SOS2: variants seen among roughly 807,000 people sequenced by gnomAD.
SOS2 encodes the protein son of sevenless homolog 2.
A neutral mutation model predicts 148.2 loss-of-function variants in SOS2; 65 were observed. The observed-to-expected ratio is 0.44, with a 90% CI of 0.36 to 0.54. SOS2 has a LOEUF of 0.54. Ranked by LOEUF, SOS2 falls within the 20% of genes least tolerant of loss-of-function variation. The probability of loss-of-function intolerance (pLI) is 0.00; values close to 1 mark genes in which losing one functional copy is unlikely to be tolerated. For synonymous variants in SOS2, 539 were observed against 537.1 expected (o/e 1.00, Z -0.05); for missense variants, 1,341 against 1,590.2 (o/e 0.84, Z 2.67).
intron 21 of SOS2, 87 bp from the exon 22 acceptor site, chr14:50,120,471 C>G (rs749148430): frequency 7.2e-6 from 5 of 692,916 alleles, no homozygotes; most frequent in Non-Finnish European, 1.3e-5. Context: ...TCTACCATGG[C>G]ATTTGTCAGA....
intron 1 of SOS2, among the ~76,000 whole-genome samples, chr14:50,220,405 C>CAAAAAA (rs367829144): frequency 3.0e-4 from 9 of 30,446 alleles, no homozygotes; most frequent in African/African-American, 1.3e-3. Context: ...GACTCCATCT[C>CAAAAAA]AAAAAAAAAA....
intron 4 of SOS2, among the ~76,000 whole-genome samples, chr14:50,199,479 TAA>T (rs955789960): frequency 1.3e-5 from 2 of 152,118 alleles, no homozygotes; most frequent in African/African-American, 4.8e-5. Context: ...TTCTTGTAAG[TAA>T]AAGATTCTTG....
At position 50,142,147 on chromosome 14, in the gene SOS2, A is replaced by G. The variant is rs534953420; in HGVS notation, c.2668-2088T>C. 3.3e-5 allele frequency among the ~76,000 whole-genome samples: 5 copies of G among 151,728 alleles called. No individual in the cohort carries two copies. The South Asian group carries it at 1.0e-3, about 32-fold the overall frequency. On this transcript the variant is annotated intron_variant, in intron 16 of 22. Transcript: ENST00000216373. ...CTCAGCCTCCCAAGTAGCTGGGATT[A>G]CAGGCGCCCGCCAGCATGCCTGGGT... is the stretch of plus-strand genomic sequence containing the variant.
At chr14:50,230,848 T>C (rs964333213) in intron 1 of SOS2, 36 of 996,958 alleles carry the variant, frequency 3.6e-5, no homozygotes, top group East Asian at 2.0e-4. Context: ...GGCCTGAAAA[T>C]GTGCTTTTGT....
intron 1 of SOS2, among the ~76,000 whole-genome samples, chr14:50,208,405 A>T (rs895974630): frequency 2.6e-5 from 4 of 152,164 alleles, no homozygotes; most frequent in Non-Finnish European, 5.9e-5. Context: ...TAATCCCAGC[A>T]CTTTGGGAGG....
In SOS2 at chr14:50,189,061, T is replaced by TCACACACACACA. The variant is rs10599812; in HGVS notation, c.511-373_511-362dup. Among the ~76,000 whole-genome samples, 524 of 128,752 alleles carry TCACACACACACA rather than the reference T, an allele frequency of 4.1e-3. 11 individuals carry two copies. The highest frequency in any genetic ancestry group is 0.018 in the Admixed American group (213 of 11,818). The allele number at this position is 128,752 out of a possible 152,430, so 84.5% of individuals were successfully genotyped here. Reference sequence around the variant, plus strand: ...GCCTGGGCGACAGAGCGAGACTCCATCACACACACACACACACACACACAC... The same window carrying TCACACACACACA: ...GCCTGGGCGACAGAGCGAGACTCCATCACACACACACACACACACACACACACACACACACAC... On this transcript the variant is annotated intron_variant, in intron 4 of 22. Transcript: ENST00000216373.
intron 1 of SOS2, among the ~76,000 whole-genome samples, chr14:50,219,775 T>C (rs61982706): frequency 1.1e-4 from 17 of 152,288 alleles, no homozygotes; most frequent in South Asian, 4.2e-4. Flanking sequence ...AATCAAAGTG[T>C]ATAATTAAAA....
At chr14:50,137,584 T>C (rs1884124924) in intron 18 of SOS2, among the ~76,000 whole-genome samples, 2 of 152,218 alleles carry the variant, frequency 1.3e-5, no homozygotes, top group South Asian at 4.1e-4. Flanking sequence ...ATTAATTTTT[T>C]TCTATTATTT....
intron 1 of SOS2, among the ~76,000 whole-genome samples, chr14:50,209,288 T>TGTGTGTGTGTGTGTGTGTGTGC: frequency 1.1e-5 from 1 of 94,660 alleles, no homozygotes; most frequent in Non-Finnish European, 2.1e-5. Flanking sequence ...TGTGTGTGTG[T>TGTGTGTGTGTGTGTGTGTGTGC]GTGTGTGTGT....
chr14:50,144,377 T>C (rs116992509), intron 16 of SOS2, among the ~76,000 whole-genome samples: 2,510 of 152,144 alleles, frequency 0.016, 34 homozygotes, highest in Middle Eastern at 0.044. Context: ...TCCTATTTTC[T>C]ATATCTCCTG....
Position 50,159,675 on chromosome 14 carries a change from C to T in SOS2, c.1608G>A (p.Met536Ile), listed in dbSNP as rs1884932746. ...AKSAEEKNNW[M>I]AALISLHYRS... ...GATAATGAAGAGAAATAAGGGCTGC[C>T]ATCCAGTTGTTTTTTTCTTCAGCAG... is the stretch of plus-strand genomic sequence containing the variant. Residue 536 changes from methionine (M) to isoleucine (I), a missense_variant, in exon 10 of 23, where the codon ATG becomes ATA. Coordinates refer to ENST00000216373, the MANE Select transcript of SOS2 (RefSeq NM_006939.4). The T allele has an allele frequency of 6.2e-7, 1 of 1,614,004 alleles. No individual in the cohort carries two copies. The highest frequency in any genetic ancestry group is 8.5e-7 in the Non-Finnish European group (1 of 1,179,946).
chr14:50,208,816 G>T (rs1210222054), intron 1 of SOS2, among the ~76,000 whole-genome samples: 1 of 152,136 alleles, frequency 6.6e-6, no homozygotes, highest in Non-Finnish European at 1.5e-5. Flanking sequence ...CCAAGAAAAA[G>T]AAAATTTCAG....
chr14:50,200,273 C>A (rs1167669968), intron 3 of SOS2, among the ~76,000 whole-genome samples: 1 of 151,320 alleles, frequency 6.6e-6, no homozygotes, highest in African/African-American at 2.4e-5. Context: ...GTGAGGCAGG[C>A]GGGGCGGGGG....
At chr14:50,224,716 T>A (rs2139868730) in intron 1 of SOS2, among the ~76,000 whole-genome samples, 1 of 27,804 alleles carries the variant, frequency 3.6e-5, no homozygotes, top group South Asian at 4.8e-4. Context: ...AGACCTTGTC[T>A]CCACAAAAAA....
In SOS2 at chr14:50,150,029, A is replaced by T; in HGVS notation, c.2363T>A (p.Leu788His). ...HPIEIARQLT[L>H]LESDLYRKVQ... ...CTACCTGTAAAGATCAGACTCCAAA[A>T]GTGTCAGCTGACGTGCAATTTCTAT... The change falls in exon 14 of 23, where the codon CTT becomes CAT. Residue 788 changes from leucine to histidine, a missense_variant. Leu to His is a moderately conservative substitution (Grantham distance 99). This residue lies in a region of SOS2 where 408 missense variants were observed against 506.6 expected (regional missense o/e 0.81). Coordinates refer to ENST00000216373, the MANE Select transcript of SOS2 (RefSeq NM_006939.4). 6.2e-7 allele frequency: 1 copy of T among 1,611,112 alleles called. No homozygotes were observed. Among genetic ancestry groups the T allele is most frequent in the African/African-American group, 1.3e-5 (1 of 74,996 alleles).
chr14:50,203,900 G>A (rs2139794763), intron 2 of SOS2, among the ~76,000 whole-genome samples: 1 of 150,954 alleles, frequency 6.6e-6, no homozygotes, highest in South Asian at 2.1e-4. Context: ...AAAGTACTAT[G>A]TTTTGAGTCC....
At chr14:50,130,432 T>C (rs1346401758) in intron 20 of SOS2, 69 bp downstream of exon 20, 7 of 1,332,894 alleles carry the variant, frequency 5.3e-6, no homozygotes, top group African/African-American at 1.5e-5. Context: ...AGTTCCCTAA[T>C]TAAAATGATA....
rs1887548977 is a variant in SOS2, at chr14:50,231,565, G to C, written c.-282C>G. On this transcript the variant is annotated 5_prime_UTR_variant, in exon 1 of 23. Transcript: ENST00000216373. ...GGCGGCGACCTCCTTTCCCGGCGGCGCTGGCCCGCTTCTGGGGCGGCTCCT... is the reference window on the plus strand; with the variant it reads ...GGCGGCGACCTCCTTTCCCGGCGGCCCTGGCCCGCTTCTGGGGCGGCTCCT... 1 of 152,422 alleles carries C rather than the reference G, an allele frequency of 6.6e-6. No homozygotes were observed. Among genetic ancestry groups the C allele is most frequent in the Non-Finnish European group, 1.5e-5 (1 of 67,972 alleles). The allele number at this position is 152,422 out of a possible 1,614,324, so 9.4% of individuals were successfully genotyped here. A position where few individuals can be genotyped will look rare whatever the true frequency, so the allele number is the denominator to read the frequency against.
chr14:50,222,148 T>G (rs533607260), intron 1 of SOS2, among the ~76,000 whole-genome samples: 1 of 152,324 alleles, frequency 6.6e-6, no homozygotes, highest in East Asian at 1.9e-4. Flanking sequence ...TCAGCACATT[T>G]AAAAGACTGA....
Sources: gnomAD v4.1 joint callset for allele counts (sites outside exome capture counted in the v4.1 genomes callset) on GRCh38, gnomAD v4.1.1 for gene constraint, gnomAD v4.1.1 regional missense constraint, MANE v1.5 for transcripts, NCBI Gene and HGNC (gene_info 2026-07-23, HGNC 2026-07-21) for gene names.